CADM2: variants seen among roughly 807,000 people sequenced by gnomAD.
CADM2 encodes cell adhesion molecule 2.
In CADM2, 12 loss-of-function variants were observed where a neutral mutation model predicts 49.8. The observed-to-expected ratio is 0.24, with a 90% CI of 0.15 to 0.39. CADM2 has a LOEUF of 0.39. Ranked by LOEUF, CADM2 falls within the 10% of genes least tolerant of loss-of-function variation. The pLI, the probability that CADM2 is intolerant of heterozygous loss-of-function variation, is 1.00. For missense variants in CADM2, 378 were observed against 492.3 expected, an observed-to-expected ratio of 0.77 and a Z score of 2.20; for synonymous variants, 214 against 175.4, an observed-to-expected ratio of 1.22 and a Z score of -1.74.
intron 1 of CADM2, among the ~76,000 whole-genome samples, chr3:85,105,934 G>A (rs959857181): frequency 6.6e-6 from 1 of 151,772 alleles, no homozygotes; most frequent in East Asian, 1.9e-4. Flanking sequence ...TCACACTCTG[G>A]GGACTGTGGT....
chr3:85,384,375 G>A (rs780838491), intron 1 of CADM2, among the ~76,000 whole-genome samples: 11 of 151,778 alleles, frequency 7.2e-5, no homozygotes, highest in Non-Finnish European at 1.5e-4. Flanking sequence ...GGAGTGCAAT[G>A]GTACCGTCTT....
intron 1 of CADM2, among the ~76,000 whole-genome samples, chr3:85,646,659 G>A (rs1420273243): frequency 1.3e-5 from 2 of 151,892 alleles, no homozygotes; most frequent in African/African-American, 4.8e-5. Context: ...TTTTAGGCAC[G>A]ATGACATATT....
At chr3:85,003,675 G>A (rs542487535) in intron 1 of CADM2, among the ~76,000 whole-genome samples, 1 of 152,128 alleles carries the variant, frequency 6.6e-6, no homozygotes, top group East Asian at 1.9e-4. Context: ...ACAGAGTATT[G>A]TGCAATAAGA....
At chr3:85,980,449 A>C (rs1183891505) in intron 8 of CADM2, among the ~76,000 whole-genome samples, 1 of 151,580 alleles carries the variant, frequency 6.6e-6, no homozygotes, top group Non-Finnish European at 1.5e-5. Context: ...GACATCAACT[A>C]TATTATACAA....
intron 1 of CADM2, among the ~76,000 whole-genome samples, chr3:85,353,968 C>T (rs1412050786): frequency 6.6e-6 from 1 of 151,816 alleles, no homozygotes; most frequent in Non-Finnish European, 1.5e-5. Flanking sequence ...TATATATGTA[C>T]AATTATTCTA....
chr3:85,655,581 C>A (rs755307325), intron 1 of CADM2, among the ~76,000 whole-genome samples: 5 of 151,764 alleles, frequency 3.3e-5, no homozygotes, highest in Non-Finnish European at 7.4e-5. Flanking sequence ...TTTGCACAAA[C>A]GATTTGTTAA....
chr3:85,184,760 A>C (rs1413071209), intron 1 of CADM2, among the ~76,000 whole-genome samples: 1 of 152,154 alleles, frequency 6.6e-6, no homozygotes, highest in African/African-American at 2.4e-5. Flanking sequence ...TTGTATAGAT[A>C]GGAGTGCATT....
At chr3:86,021,684 G>A (rs997173353) in intron 8 of CADM2, among the ~76,000 whole-genome samples, 8 of 152,064 alleles carry the variant, frequency 5.3e-5, no homozygotes, top group Non-Finnish European at 1.5e-5. Context: ...GGAGCAAATG[G>A]CAAGATCCTA....
chr3:85,139,778 A>G (rs2039522269), intron 1 of CADM2, among the ~76,000 whole-genome samples: 1 of 152,178 alleles, frequency 6.6e-6, no homozygotes, highest in Admixed American at 6.5e-5. Context: ...ATTTTAATAT[A>G]AATAACACAA....
At position 85,438,171 on chromosome 3, in the gene CADM2, A is replaced by G. The variant is rs1357290677; in HGVS notation, c.62-288351A>G. ...TCTTTGATCATATTTCTAATCACTA[A>G]AAATCTATCCAAAATATTTTTATTA... On this transcript the variant is annotated intron_variant, in intron 1 of 9. Transcript: ENST00000383699. Among the ~76,000 whole-genome samples, 3 of 152,110 alleles carry G rather than the reference A, an allele frequency of 2.0e-5. 1 individual carries two copies. The highest frequency in any genetic ancestry group is 6.6e-5 in the Admixed American group (1 of 15,242).
At chr3:85,384,085 C>A (rs925707365) in intron 1 of CADM2, among the ~76,000 whole-genome samples, 8 of 152,038 alleles carry the variant, frequency 5.3e-5, no homozygotes, top group African/African-American at 1.9e-4. Context: ...GAAATAATAC[C>A]AGTTTACACT....
At chr3:85,812,421 T>A (rs1034509394) in intron 3 of CADM2, among the ~76,000 whole-genome samples, 1 of 152,140 alleles carries the variant, frequency 6.6e-6, no homozygotes, top group Non-Finnish European at 1.5e-5. Flanking sequence ...CACCGGGGCC[T>A]AATTTCTTGG....
At chr3:85,413,411 T>G (rs1378358927) in intron 1 of CADM2, among the ~76,000 whole-genome samples, 1 of 152,048 alleles carries the variant, frequency 6.6e-6, no homozygotes, top group Non-Finnish European at 1.5e-5. Context: ...TGCATACATG[T>G]TGATATATGT....
At chr3:86,005,385 T>C (rs577575813) in intron 8 of CADM2, among the ~76,000 whole-genome samples, 185 of 152,170 alleles carry the variant, frequency 1.2e-3, no homozygotes, top group Admixed American at 3.3e-3. Context: ...ACCCCATTCC[T>C]ATTAAAAATA....
intron 8 of CADM2, among the ~76,000 whole-genome samples, chr3:86,023,475 T>C (rs570726489): frequency 7.9e-5 from 12 of 152,212 alleles, no homozygotes; most frequent in Non-Finnish European, 1.6e-4. Context: ...TTTCCTGTCT[T>C]GGCCTCCTGA....
In CADM2 at chr3:86,072,099, G is replaced by A. The variant is rs954449293; in HGVS notation, c.*5316G>A. Reference sequence around the variant, plus strand: ...CATTTTGTCTGCATAGACATATTAAGAATTTTTCAATGATGTAATTTAATT... The same window carrying A: ...CATTTTGTCTGCATAGACATATTAAAAATTTTTCAATGATGTAATTTAATT... On this transcript the variant is annotated 3_prime_UTR_variant, in exon 10 of 10. Transcript: ENST00000383699. 7 of 151,728 alleles carry A rather than the reference G, an allele frequency of 4.6e-5. 1 individual carries two copies. The South Asian group carries it at 6.2e-4, about 13-fold the overall frequency. The allele number at this position is 151,728 out of a possible 1,614,324, so 9.4% of individuals were successfully genotyped here. A position where few individuals can be genotyped will look rare whatever the true frequency, so the allele number is the denominator to read the frequency against.
intron 1 of CADM2, among the ~76,000 whole-genome samples, chr3:85,329,437 G>C (rs1160421824): frequency 1.3e-5 from 2 of 151,676 alleles, no homozygotes; most frequent in Non-Finnish European, 2.9e-5. Context: ...GGGCATGGTG[G>C]TGCACACCTG....
intron 8 of CADM2, among the ~76,000 whole-genome samples, chr3:85,976,269 C>T (rs1178747200): frequency 1.3e-5 from 2 of 151,448 alleles, no homozygotes; most frequent in Non-Finnish European, 3.0e-5. Flanking sequence ...TAAAAATGTA[C>T]AGGATTCCAG....
intron 1 of CADM2, among the ~76,000 whole-genome samples, chr3:85,324,922 A>G (rs1015842124): frequency 2.6e-5 from 4 of 152,120 alleles, no homozygotes; most frequent in African/African-American, 7.2e-5. Flanking sequence ...GTTGATCTCA[A>G]TGTGCTTTCT....
Sources: gnomAD v4.1 joint callset for allele counts (sites outside exome capture counted in the v4.1 genomes callset) on GRCh38, gnomAD v4.1.1 for gene constraint, MANE v1.5 for transcripts, NCBI Gene and HGNC (gene_info 2026-07-23, HGNC 2026-07-21) for gene names.